RNASE10: variants seen among roughly 807,000 people sequenced by gnomAD.
The protein encoded by RNASE10 is ribonuclease A family member 10 (inactive), also known as inactive ribonuclease-like protein 10.
A neutral mutation model predicts 1.1 loss-of-function variants in RNASE10; 2 were observed. That is an observed-to-expected ratio of 1.82 (90% CI 0.74 to 5.73). RNASE10 has a LOEUF of 5.73. Ranked by LOEUF, RNASE10 falls within the 30% of genes most tolerant of loss-of-function variation. The pLI, the probability that RNASE10 is intolerant of heterozygous loss-of-function variation, is 0.05. For synonymous variants in RNASE10, 97 were observed against 96.2 expected, an observed-to-expected ratio of 1.01 and a Z score of -0.05; for missense variants, 276 against 263.4, an observed-to-expected ratio of 1.05 and a Z score of -0.33.
intron 1 of RNASE10, among the ~76,000 whole-genome samples, 171 bp downstream of exon 1, chr14:20,506,190 G>GT (rs1326169280): frequency 7.8e-4 from 109 of 139,752 alleles, no homozygotes; most frequent in East Asian, 7.0e-3. Flanking sequence ...GGTGGGGGGG[G>GT]GTCAGCCCCC....
At chr14:20,513,709 AGT>A (rs1432874845), downstream of RNASE10, among the ~76,000 whole-genome samples, 1 of 152,226 alleles carries the variant, frequency 6.6e-6, no homozygotes, top group African/African-American at 2.4e-5. Flanking sequence ...TCCTTCTAAG[AGT>A]GTGTTAGTCA....
chr14:20,504,250 C>T (rs948593013), upstream of RNASE10, among the ~76,000 whole-genome samples: 1 of 152,128 alleles, frequency 6.6e-6, no homozygotes, highest in South Asian at 2.1e-4. Context: ...TTTCTTCAGA[C>T]TAGCAGCCAG....
intron 1 of RNASE10, among the ~76,000 whole-genome samples, chr14:20,507,896 C>G (rs533039770): frequency 1.1e-4 from 16 of 151,938 alleles, no homozygotes; most frequent in Non-Finnish European, 1.9e-4. Flanking sequence ...TGAAGACACA[C>G]GCCACCAAGC....
chr14:20,511,024 C>T lies in RNASE10; in HGVS notation c.637C>T (p.Gln213Ter). 1 of 1,572,336 alleles carries T rather than the reference C, an allele frequency of 6.4e-7. No homozygotes were observed. Among genetic ancestry groups the T allele is most frequent in the Non-Finnish European group, 8.6e-7 (1 of 1,157,384 alleles). ...ATTGTGCGAGCTGTCCCAACCAGAC[C>T]AGGTCACTCCTAACTGCAATTACCT... Residue 213 changes from glutamine (Q) to a stop codon, truncating the protein, a stop_gained, in exon 2 of 2, where the codon CAG (glutamine) becomes TAG (stop). Transcript: ENST00000430083. LOFTEE classifies it low-confidence loss of function (END_TRUNC).
chr14:20,512,638 C>T (rs12588347), downstream of RNASE10, among the ~76,000 whole-genome samples: 26,576 of 152,110 alleles, frequency 0.17, 2,896 homozygotes, highest in East Asian at 0.58. Flanking sequence ...CCTAGACGTC[C>T]CTGATTCAAT....
intron 1 of RNASE10, among the ~76,000 whole-genome samples, chr14:20,507,604 G>A (rs1399770696): frequency 1.6e-5 from 2 of 127,542 alleles, no homozygotes; most frequent in Admixed American, 7.4e-5. Context: ...ACCCAAGAAT[G>A]ATCAATTAAA....
chr14:20,510,894 C>T, exon 2 of RNASE10: 1 of 1,614,130 alleles, frequency 6.2e-7, no homozygotes, highest in Non-Finnish European at 8.5e-7. Flanking sequence ...ATGCATTCAT[C>T]CATGAGGATC....
rs368826971 is a variant in RNASE10 at position 20,510,454 on chromosome 14, G to C, written c.80-13G>C. 2.5e-6 allele frequency: 4 copies of C among 1,596,478 alleles called. No individual in the cohort carries two copies. In the South Asian group the frequency reaches 4.5e-5, roughly 18 times the overall value. On this transcript the variant is annotated splice_polypyrimidine_tract_variant and intron_variant, in intron 1 of 1. Transcript: ENST00000430083. ...TCAAAGTCACGTTCTTCCATTTCCCGCTTCCTCTCCAGGCAAAATGAAGCT... is the reference window on the plus strand; with the variant it reads ...TCAAAGTCACGTTCTTCCATTTCCCCCTTCCTCTCCAGGCAAAATGAAGCT...
chr14:20,510,591 G>C (rs373015838), exon 2 of RNASE10: 1 of 1,614,124 alleles, frequency 6.2e-7, no homozygotes, highest in Non-Finnish European at 8.5e-7. Flanking sequence ...GTGATCAACC[G>C]CTCAATGAAT....
chr14:20,505,298 CTCCCTCTCCCTCTCCCTCT>C (rs1882669111), upstream of RNASE10, among the ~76,000 whole-genome samples: 1 of 67,664 alleles, frequency 1.5e-5, no homozygotes, highest in African/African-American at 5.7e-5. Context: ...CCCTCTCCCT[CTCCCTCTCCCTCTCCCTCT>C]CCCTCTCCCT....
At chr14:20,506,973 C>G (rs1265036269) in intron 1 of RNASE10, among the ~76,000 whole-genome samples, 1 of 138,450 alleles carries the variant, frequency 7.2e-6, no homozygotes. Flanking sequence ...CCAGCCGCCC[C>G]GTCCGGGAGG....
upstream of RNASE10, among the ~76,000 whole-genome samples, chr14:20,504,620 G>A (rs1407868362): frequency 6.9e-6 from 1 of 144,306 alleles, no homozygotes; most frequent in Non-Finnish European, 1.5e-5. Flanking sequence ...CCTGGGAGGC[G>A]GAGCTTGCAG....
exon 2 of RNASE10, chr14:20,511,124 G>A: frequency 2.0e-6 from 3 of 1,476,186 alleles, no homozygotes; most frequent in Non-Finnish European, 2.7e-6. Context: ...GGACAATGAA[G>A]CAACTCATCA....
At chr14:20,510,847 A>G (rs1008611080) in exon 2 of RNASE10, 1 of 1,614,200 alleles carries the variant, frequency 6.2e-7, no homozygotes, top group South Asian at 1.1e-5. Flanking sequence ...GATGGCACAC[A>G]AGATGAAGGA....
chr14:20,504,781 A>T (rs1479407492), upstream of RNASE10, among the ~76,000 whole-genome samples: 2 of 150,002 alleles, frequency 1.3e-5, no homozygotes, highest in African/African-American at 2.5e-5. Flanking sequence ...TCTACCAACC[A>T]TTTACAGGGA....
chr14:20,511,306 A>T, downstream of RNASE10: 1 of 473,334 alleles, frequency 2.1e-6, no homozygotes, highest in Non-Finnish European at 3.6e-6. Context: ...GATGATGCCT[A>T]GTTTCTCTAA....
exon 2 of RNASE10, chr14:20,511,127 A>C: frequency 6.8e-7 from 1 of 1,471,264 alleles, no homozygotes; most frequent in Non-Finnish European, 9.0e-7. Flanking sequence ...CAATGAAGCA[A>C]CTCATCATCT....
downstream of RNASE10, among the ~76,000 whole-genome samples, chr14:20,512,691 A>T (rs1381302279): frequency 6.6e-6 from 1 of 152,194 alleles, no homozygotes; most frequent in Non-Finnish European, 1.5e-5. Context: ...ATAACCTCTT[A>T]GGAACAGTGT....
At chr14:20,505,302 C>G (rs1438766413), upstream of RNASE10, among the ~76,000 whole-genome samples, 1 of 76,346 alleles carries the variant, frequency 1.3e-5, no homozygotes, top group South Asian at 6.0e-4. Context: ...CTCCCTCTCC[C>G]TCTCCCTCTC....
Sources: allele counts gnomAD v4.1 joint callset (sites outside exome capture counted in the v4.1 genomes callset), GRCh38; gene constraint gnomAD v4.1.1; transcripts MANE v1.5; gene names NCBI Gene and HGNC (gene_info 2026-07-23, HGNC 2026-07-21).